The following DISP1 variants were observed in gnomAD, a reference collection of about 807,000 sequenced individuals.
DISP1 encodes the protein dispatched RND transporter family member 1, also known as protein dispatched homolog 1.
Under a neutral mutation model 37.3 loss-of-function variants are expected in DISP1, and 30 were observed. The observed-to-expected ratio is 0.80, with a 90% confidence interval of 0.60 to 1.09. The LOEUF is 1.09. Ranked by LOEUF, DISP1 falls within the 50% of genes least tolerant of loss-of-function variation. The pLI is 0.00. For missense variants in DISP1, 1,598 were observed against 1,879.5 expected (o/e 0.85, Z 2.77); for synonymous variants, 634 against 690.2 (o/e 0.92, Z 1.28).
Position 222,877,315 on chromosome 1 carries a change from C to T in DISP1, c.-158-51115C>T, listed in dbSNP as rs139027035. The stretch of plus-strand genomic sequence containing the variant: ...TGGCTGGGGAGGCTTACAATCATGG[C>T]GGAAGGCAAAGAGGAGCAACTCACC... On this transcript the variant is annotated intron_variant, in intron 1 of 8. Transcript: ENST00000675850. 2.8e-3 allele frequency among the ~76,000 whole-genome samples: 423 copies of T among 152,144 alleles called. 3 individuals are homozygous for T. The highest frequency in any genetic ancestry group is 9.8e-3 in the African/African-American group (407 of 41,512).
intron 1 of DISP1, among the ~76,000 whole-genome samples, chr1:222,908,061 G>A (rs1455782369): frequency 6.6e-6 from 1 of 152,142 alleles, no homozygotes; most frequent in Non-Finnish European, 1.5e-5. Flanking sequence ...TTTGCGCTTT[G>A]GTGGAGAACC....
At chr1:222,845,808 A>G (rs1667863205) in intron 1 of DISP1, among the ~76,000 whole-genome samples, 1 of 152,162 alleles carries the variant, frequency 6.6e-6, no homozygotes, top group Non-Finnish European at 1.5e-5. Context: ...TTTGGGATAG[A>G]AATTTGTTTT....
chr1:222,815,537 C>A (rs149351359), intron 1 of DISP1, among the ~76,000 whole-genome samples: 1 of 152,258 alleles, frequency 6.6e-6, no homozygotes, highest in African/African-American at 2.4e-5. Flanking sequence ...CTTGACCTAA[C>A]GAACCAGAAA....
chr1:223,002,141 A>C (rs1369565814), intron 8 of DISP1, among the ~76,000 whole-genome samples: 1 of 152,172 alleles, frequency 6.6e-6, no homozygotes, highest in Non-Finnish European at 1.5e-5. Flanking sequence ...TCACACTTGC[A>C]TGTCATCCCC....
At chr1:222,832,175 G>A (rs1235889896) in intron 1 of DISP1, among the ~76,000 whole-genome samples, 7 of 152,086 alleles carry the variant, frequency 4.6e-5, no homozygotes, top group African/African-American at 1.7e-4. Flanking sequence ...GGAGGCTGAG[G>A]CAGGAGAATC....
At chr1:222,895,359 A>G (rs1671192236) in intron 1 of DISP1, among the ~76,000 whole-genome samples, 3 of 152,238 alleles carry the variant, frequency 2.0e-5, no homozygotes, top group Non-Finnish European at 4.4e-5. Flanking sequence ...ATACCAGTCA[A>G]CTTAGAAAAT....
intron 2 of DISP1, among the ~76,000 whole-genome samples, chr1:222,940,821 C>T (rs1206369868): frequency 6.6e-6 from 1 of 152,128 alleles, no homozygotes; most frequent in Non-Finnish European, 1.5e-5. Context: ...AAAGCGTGTG[C>T]CTGCAGTGAT....
chr1:222,833,271 C>T (rs771669075), intron 1 of DISP1, among the ~76,000 whole-genome samples: 1 of 151,128 alleles, frequency 6.6e-6, no homozygotes, highest in Non-Finnish European at 1.5e-5. Context: ...ACAAATATAA[C>T]CTCACAGGAG....
chr1:222,947,543 T>G (rs1674883488), intron 3 of DISP1, among the ~76,000 whole-genome samples: 1 of 152,204 alleles, frequency 6.6e-6, no homozygotes, highest in Non-Finnish European at 1.5e-5. Flanking sequence ...GTCCCTGCTT[T>G]CAGTTCTTTT....
chr1:222,883,143 G>A (rs1215449606), intron 1 of DISP1, among the ~76,000 whole-genome samples: 1 of 151,816 alleles, frequency 6.6e-6, no homozygotes, highest in East Asian at 1.9e-4. Context: ...GGATTTAGAG[G>A]GCAATTTGGT....
intron 1 of DISP1, among the ~76,000 whole-genome samples, chr1:222,875,450 T>G (rs1298947453): frequency 6.6e-6 from 1 of 152,086 alleles, no homozygotes; most frequent in East Asian, 1.9e-4. Flanking sequence ...TTGGCTTTTT[T>G]CCCCCCTTTT....
chr1:222,891,365 A>C (rs1437104289), intron 1 of DISP1, among the ~76,000 whole-genome samples: 2 of 152,282 alleles, frequency 1.3e-5, no homozygotes, highest in East Asian at 3.9e-4. Context: ...CACCATTTTC[A>C]GGTAGAGATA....
chr1:222,990,687 T>C lies in DISP1; in HGVS notation c.602T>C (p.Val201Ala). The C allele has an allele frequency of 6.2e-7, 1 of 1,614,168 alleles. No individual in the cohort carries two copies. The highest frequency in any genetic ancestry group is 8.5e-7 in the Non-Finnish European group (1 of 1,180,008). Residue 201 changes from valine to alanine, a missense_variant, in exon 5 of 9, where the codon GTA (valine) becomes GCA (alanine). Val to Ala is a moderately conservative substitution (Grantham distance 64). Transcript: ENST00000675850. ...TTGGGCATGTGCACCATGTTCATCGTAGTCTGTGCCTTGGTTGGAGTATTA... is the reference window on the plus strand; with the variant it reads ...TTGGGCATGTGCACCATGTTCATCGCAGTCTGTGCCTTGGTTGGAGTATTA... ...VVLGMCTMFI[V>A]VCALVGVLVP...
At chr1:222,938,838 A>G (rs182357986) in intron 2 of DISP1, among the ~76,000 whole-genome samples, 89 of 150,852 alleles carry the variant, frequency 5.9e-4, no homozygotes, top group Admixed American at 5.3e-3. Flanking sequence ...CTTAGGGTTA[A>G]CTCCTGATCT....
intron 2 of DISP1, among the ~76,000 whole-genome samples, chr1:222,931,683 ATC>A (rs1237522163): frequency 1.8e-5 from 1 of 54,664 alleles, no homozygotes; most frequent in Non-Finnish European, 3.3e-5. Flanking sequence ...GCCACCAGGA[ATC>A]TTTTTTTTTT....
chr1:222,946,263 A>G (rs530136836), intron 3 of DISP1, among the ~76,000 whole-genome samples: 1 of 151,166 alleles, frequency 6.6e-6, no homozygotes, highest in East Asian at 1.9e-4. Context: ...GGGCGCCTGT[A>G]GTCCCAGCTA....
intron 1 of DISP1, chr1:222,835,260 T>C (rs1666758496): frequency 6.6e-6 from 1 of 152,236 alleles, no homozygotes; most frequent in Non-Finnish European, 1.5e-5. Flanking sequence ...TAATTTTACT[T>C]GGATTTTATT....
intron 1 of DISP1, among the ~76,000 whole-genome samples, chr1:222,826,771 T>G (rs150463137): frequency 6.6e-6 from 1 of 152,326 alleles, no homozygotes; most frequent in East Asian, 1.9e-4. Flanking sequence ...TGCTGTGTGA[T>G]GGATATTAAA....
At chr1:222,981,123 G>C (rs1677802662) in intron 3 of DISP1, among the ~76,000 whole-genome samples, 1 of 152,204 alleles carries the variant, frequency 6.6e-6, no homozygotes. Flanking sequence ...TGGAAACTCA[G>C]ACTTTAAGTT....
Sources: gnomAD v4.1 joint callset for allele counts (sites outside exome capture counted in the v4.1 genomes callset) on GRCh38, gnomAD v4.1.1 for gene constraint, MANE v1.5 for transcripts, NCBI Gene and HGNC (gene_info 2026-07-23, HGNC 2026-07-21) for gene names.